VWA5A: variants seen among roughly 807,000 people sequenced by gnomAD.
VWA5A encodes von Willebrand factor A domain-containing protein 5A.
In VWA5A, 77 loss-of-function variants were observed where a neutral mutation model predicts 84.6. The observed-to-expected ratio is 0.91, with a 90% CI of 0.76 to 1.10. The LOEUF is 1.10. Among genes scored for constraint, VWA5A ranks in the 50% least tolerant of loss-of-function variants. The probability of loss-of-function intolerance (pLI) is 0.00; values close to 1 mark genes in which losing one functional copy is unlikely to be tolerated. For synonymous variants in VWA5A, 334 were observed against 350.1 expected (o/e 0.95, Z 0.51); for missense variants, 973 against 963.0 (o/e 1.01, Z -0.14).
chr11:124,131,806 A>T (rs185383186), intron 11 of VWA5A, among the ~76,000 whole-genome samples: 6,974 of 150,346 alleles, frequency 0.046, 204 homozygotes, highest in African/African-American at 0.081. Flanking sequence ...ATTTTTTTTT[A>T]AAAAATTTTC....
At chr11:124,119,784 T>C (rs1037767099) in intron 7 of VWA5A, among the ~76,000 whole-genome samples, 2 of 152,210 alleles carry the variant, frequency 1.3e-5, no homozygotes, top group Non-Finnish European at 2.9e-5. Context: ...CAAAGAATGT[T>C]ACGTAAAAGA....
chr11:124,119,206 C>A, intron 7 of VWA5A, 117 bp downstream of exon 7: 1 of 918,826 alleles, frequency 1.1e-6, no homozygotes, highest in Non-Finnish European at 1.7e-6. Context: ...ACATGTGAAA[C>A]ACTGAAATAG....
chr11:124,118,117 G>A, intron 4 of VWA5A, 72 bp from the exon 5 acceptor site: 1 of 1,515,426 alleles, frequency 6.6e-7, no homozygotes, highest in South Asian at 1.3e-5. Flanking sequence ...GCTCTGCACT[G>A]CTCGTCTCTT....
chr11:124,130,244 G>C (rs564396195), intron 11 of VWA5A, among the ~76,000 whole-genome samples: 1 of 152,272 alleles, frequency 6.6e-6, no homozygotes, highest in African/African-American at 2.4e-5. Context: ...TTACCCAGTG[G>C]TCATTCAGGA....
At chr11:124,126,499 T>C (rs1408880743) in intron 11 of VWA5A, among the ~76,000 whole-genome samples, 1 of 152,096 alleles carries the variant, frequency 6.6e-6, no homozygotes, top group East Asian at 1.9e-4. Flanking sequence ...GTGATTGAAG[T>C]CCTGTAATCC....
At chr11:124,143,872 G>A (rs1253731762) in intron 17 of VWA5A, among the ~76,000 whole-genome samples, 1 of 151,926 alleles carries the variant, frequency 6.6e-6, no homozygotes, top group East Asian at 1.9e-4. Context: ...TGAATCAAGT[G>A]AACCAACAGA....
intron 11 of VWA5A, among the ~76,000 whole-genome samples, chr11:124,126,956 T>C (rs1222770798): frequency 6.6e-6 from 1 of 152,222 alleles, no homozygotes; most frequent in East Asian, 1.9e-4. Flanking sequence ...ACAATACAAC[T>C]ATTAAATTCA....
chr11:124,117,583 C>T (rs1418010670), intron 3 of VWA5A, 29 bp downstream of exon 3: 14 of 1,614,010 alleles, frequency 8.7e-6, no homozygotes, highest in African/African-American at 1.3e-5. Flanking sequence ...TCTTACTTGC[C>T]ATTGAATCTT....
intron 11 of VWA5A, among the ~76,000 whole-genome samples, chr11:124,132,294 A>C (rs534041814): frequency 6.6e-6 from 1 of 152,128 alleles, no homozygotes; most frequent in Admixed American, 6.5e-5. Context: ...AAATATTGAC[A>C]TATATTGTCT....
Position 124,142,454 on chromosome 11 carries a change from A to G in VWA5A, c.2036A>G (p.Asn679Ser). Residue 679 changes from asparagine (N) to serine (S), a missense_variant, in exon 17 of 19, where the codon AAT becomes AGT. Physicochemically the swap from Asn to Ser is conservative, Grantham distance 46. Transcript: ENST00000456829. ...KDQHSPGFGE[N>S]HLVQLIYHQN... ...TTTCTCCTCAAAGGCTTTGGAGAGA[A>G]TCACCTTGTGCAGCTGATTTACCAC... is the stretch of plus-strand genomic sequence containing the variant. The G allele has an allele frequency of 6.2e-7, 1 of 1,614,210 alleles. No individual in the cohort carries two copies. Among genetic ancestry groups the G allele is most frequent in the Non-Finnish European group, 8.5e-7 (1 of 1,180,042 alleles).
In VWA5A at chr11:124,123,037, G is replaced by A. The variant is rs538726772; in HGVS notation, c.838G>A (p.Gly280Arg). The change falls in exon 8 of 19, where the codon GGA becomes AGA. Residue 280 changes from glycine to arginine, a missense_variant. Transcript: ENST00000456829. Reference sequence around the variant, plus strand: ...AGAAGATCAACCATCAAATACCTGTGGAGAGTTTATCTTTCTCATGGACCG... The same window carrying A: ...AGAAGATCAACCATCAAATACCTGTAGAGAGTTTATCTTTCTCATGGACCG... ...IPEDQPSNTC[G>R]EFIFLMDRSG... is the part of the protein sequence containing the mutation. 1 of 1,614,114 alleles carries A rather than the reference G, an allele frequency of 6.2e-7. No individual in the cohort carries two copies. The highest frequency in any genetic ancestry group is 1.3e-5 in the African/African-American group (1 of 75,034).
intron 8 of VWA5A, 75 bp downstream of exon 8, chr11:124,123,204 A>G (rs755015643): frequency 3.9e-6 from 6 of 1,554,704 alleles, no homozygotes; most frequent in Non-Finnish European, 4.3e-6. Context: ...ATAAGGGTCT[A>G]TCTGGAGCCT....
At position 124,123,905 on chromosome 11, in the gene VWA5A, A is replaced by G. The variant is rs1390770351; in HGVS notation, c.1164+101A>G. ...GCAGTATGTTGAAATATAGTTTGCA[A>G]TTCACAGTCTTCTATCATATAGTAA... On this transcript the variant is annotated intron_variant, in intron 10 of 18. Transcript: ENST00000456829. 5 of 1,422,526 alleles carry G rather than the reference A, an allele frequency of 3.5e-6. No homozygotes were observed. In the Admixed American group the frequency reaches 1.5e-4, roughly 42 times the overall value. 88.1% of individuals were successfully genotyped at this position (1,422,526 alleles called of 1,614,324 possible).
chr11:124,128,020 G>A (rs910788030), intron 11 of VWA5A, among the ~76,000 whole-genome samples: 3 of 152,162 alleles, frequency 2.0e-5, no homozygotes, highest in Non-Finnish European at 4.4e-5. Flanking sequence ...CGTTTAGTTA[G>A]ATCCCATTTG....
At chr11:124,125,515 C>T (rs1045443291) in intron 11 of VWA5A, among the ~76,000 whole-genome samples, 3 of 152,146 alleles carry the variant, frequency 2.0e-5, no homozygotes, top group African/African-American at 4.8e-5. Context: ...GATCTCCTGA[C>T]CTCTTGATCT....
chr11:124,125,352 G>A (rs60454987), intron 11 of VWA5A, among the ~76,000 whole-genome samples: 16,283 of 150,798 alleles, frequency 0.11, 1,105 homozygotes, highest in East Asian at 0.29. Flanking sequence ...GCGCTATCTC[G>A]GCTCCCTGCC....
rs1013041717 is a variant in VWA5A, at chr11:124,146,136, T to C, written c.*191T>C. The C allele has an allele frequency of 2.4e-5, 13 of 547,316 alleles. No individual in the cohort carries two copies. The Admixed American group carries it at 3.1e-4, about 13-fold the overall frequency. The allele number at this position is 547,316 out of a possible 1,614,324, so 33.9% of individuals were successfully genotyped here. On this transcript the variant is annotated 3_prime_UTR_variant, in exon 19 of 19. Transcript: ENST00000456829. ...ATATGATCTTTCTTTTCCCAACATA[T>C]GCCCTCAGAAAAGTGACAGTGGTCC... is the stretch of plus-strand genomic sequence containing the variant.
At chr11:124,118,440 T>C in intron 5 of VWA5A, 29 bp downstream of exon 5, 1 of 1,611,934 alleles carries the variant, frequency 6.2e-7, no homozygotes, top group African/African-American at 1.3e-5. Flanking sequence ...TGAATTCTAG[T>C]GGTGGGTGAC....
chr11:124,134,914 T>C lies in VWA5A; in HGVS notation c.1245-6T>C, dbSNP rs1384842326. 1.9e-6 allele frequency: 3 copies of C among 1,609,288 alleles called. No homozygotes were observed. Among genetic ancestry groups the C allele is most frequent in the Non-Finnish European group, 2.5e-6 (3 of 1,176,528 alleles). On this transcript the variant is annotated splice_polypyrimidine_tract_variant and splice_region_variant and intron_variant, in intron 11 of 18. Transcript: ENST00000456829. ...TCCTCTAACCTCTGTCCTGTTACAA[T>C]TGCAGGTGTTTCTCATTTGGTATTG...
Sources: allele counts gnomAD v4.1 joint callset (sites outside exome capture counted in the v4.1 genomes callset), GRCh38; gene constraint gnomAD v4.1.1; transcripts MANE v1.5; gene names NCBI Gene and HGNC (gene_info 2026-07-23, HGNC 2026-07-21).